The following RAD51B variants were observed in gnomAD, a reference collection of about 807,000 sequenced individuals.
RAD51B encodes RAD51 paralog B.
In RAD51B, 38 loss-of-function variants were observed where a neutral mutation model predicts 42.2. The observed-to-expected ratio is 0.90, with a 90% CI of 0.70 to 1.18. The LOEUF is 1.18. Ranked by LOEUF, RAD51B falls within the 50% of genes most tolerant of loss-of-function variation. The pLI is 0.00. For synonymous variants in RAD51B, 154 were observed against 145.2 expected (o/e 1.06, Z -0.43); for missense variants, 373 against 400.7 (o/e 0.93, Z 0.59).
intron 8 of RAD51B, among the ~76,000 whole-genome samples, chr14:68,303,240 A>G (rs1214904386): frequency 1.3e-5 from 2 of 152,154 alleles, no homozygotes; most frequent in African/African-American, 4.8e-5. Context: ...CAAACACCGC[A>G]TGTTCTCACT....
At chr14:68,457,581 T>A (rs1182104712) in intron 9 of RAD51B, among the ~76,000 whole-genome samples, 1 of 152,162 alleles carries the variant, frequency 6.6e-6, no homozygotes, top group Admixed American at 6.5e-5. Flanking sequence ...GATTGTGGTA[T>A]AATTCAGGAA....
rs1259742224 is a variant in RAD51B, at chr14:68,421,634, G to A, written c.957+10107G>A. Reference sequence around the variant, plus strand: ...TAGGATACTGCGAGCAAACGGGGTGGAGGGGTGCTCTCCTGAGCTACGGAA... The same window carrying A: ...TAGGATACTGCGAGCAAACGGGGTGAAGGGGTGCTCTCCTGAGCTACGGAA... On this transcript the variant is annotated intron_variant, in intron 9 of 10. Coordinates refer to ENST00000471583, the MANE Select transcript of RAD51B (RefSeq NM_133510.4). The A allele has an allele frequency of 3.8e-5, 49 of 1,304,714 alleles. No homozygotes were observed. The East Asian group carries it at 1.1e-3, about 30-fold the overall frequency. 80.8% of individuals were successfully genotyped at this position (1,304,714 alleles called of 1,614,324 possible). A position where few individuals can be genotyped will look rare whatever the true frequency, so the allele number is the denominator to read the frequency against.
intron 11 of RAD51B, among the ~76,000 whole-genome samples, chr14:68,663,619 G>A (rs1892978242): frequency 1.3e-5 from 2 of 152,188 alleles, no homozygotes; most frequent in Admixed American, 1.3e-4. Flanking sequence ...CCATTTGAGT[G>A]TGCCGTCTGT....
intron 7 of RAD51B, among the ~76,000 whole-genome samples, chr14:67,927,383 T>C (rs1013153459): frequency 1.3e-5 from 2 of 152,220 alleles, no homozygotes; most frequent in Admixed American, 1.3e-4. Flanking sequence ...ATACATAATA[T>C]TGTTACTAAG....
intron 7 of RAD51B, among the ~76,000 whole-genome samples, chr14:68,157,954 G>A (rs1446831225): frequency 6.6e-6 from 1 of 152,148 alleles, no homozygotes; most frequent in Non-Finnish European, 1.5e-5. Flanking sequence ...GATCTCTGCT[G>A]TGATAATCCT....
chr14:68,423,857 G>A (rs963893127), intron 9 of RAD51B, among the ~76,000 whole-genome samples: 3 of 152,330 alleles, frequency 2.0e-5, no homozygotes, highest in African/African-American at 7.2e-5. Context: ...GTGGCTCTGT[G>A]TGGCAACAGA....
At position 68,549,409 on chromosome 14, in the gene RAD51B, A is replaced by AT. The variant is rs71129897; in HGVS notation, c.1037-45052dup. 3.7e-3 allele frequency among the ~76,000 whole-genome samples: 232 copies of AT among 63,502 alleles called. 5 individuals carry two copies. Among genetic ancestry groups the AT allele is most frequent in the African/African-American group, 8.0e-3 (166 of 20,772 alleles). 41.7% of individuals were successfully genotyped at this position (63,502 alleles called of 152,430 possible). A position where few individuals can be genotyped will look rare whatever the true frequency, so the allele number is the denominator to read the frequency against. On this transcript the variant is annotated intron_variant, in intron 10 of 10. Coordinates refer to the RAD51B transcript ENST00000487270. Reference sequence around the variant, plus strand: ...AGTGCTTCATCCATGCCCTGGACACATTTTTTTTTTTTTTTTTTTTTTTTG... The same window carrying AT: ...AGTGCTTCATCCATGCCCTGGACACATTTTTTTTTTTTTTTTTTTTTTTTTG...
chr14:68,414,602 G>A (rs1474671813), intron 9 of RAD51B, among the ~76,000 whole-genome samples: 3 of 152,124 alleles, frequency 2.0e-5, no homozygotes, highest in Non-Finnish European at 4.4e-5. Context: ...TTACAAGGCA[G>A]TGTTTGATTT....
chr14:68,201,223 TA>T (rs2079478865), intron 7 of RAD51B, among the ~76,000 whole-genome samples: 1 of 152,206 alleles, frequency 6.6e-6, no homozygotes, highest in Admixed American at 6.5e-5. Context: ...ATTTTATAAA[TA>T]TAAATGATTT....
chr14:68,432,171 C>G (rs1262822053), intron 9 of RAD51B, among the ~76,000 whole-genome samples: 2 of 152,160 alleles, frequency 1.3e-5, no homozygotes, highest in African/African-American at 4.8e-5. Context: ...TTACTTCCAA[C>G]TATGTGGTCA....
At chr14:68,379,325 C>T (rs182175306) in intron 8 of RAD51B, among the ~76,000 whole-genome samples, 4 of 152,220 alleles carry the variant, frequency 2.6e-5, no homozygotes, top group Non-Finnish European at 5.9e-5. Context: ...TTTTTGCCAA[C>T]ATTTTTTCAG....
intron 10 of RAD51B, among the ~76,000 whole-genome samples, chr14:68,526,250 G>A (rs1366029698): frequency 1.3e-5 from 2 of 152,174 alleles, no homozygotes; most frequent in East Asian, 1.9e-4. Flanking sequence ...CAGCTTGTTC[G>A]TGCTTTGCCA....
intron 7 of RAD51B, among the ~76,000 whole-genome samples, chr14:68,140,602 G>C (rs6573816): frequency 0.1 from 15,760 of 152,230 alleles, 2,475 homozygotes; most frequent in African/African-American, 0.34. Context: ...GATAACTGCT[G>C]AGGTTTCTCT....
At chr14:68,411,361 T>G in intron 8 of RAD51B, 63 bp from the exon 9 acceptor site, 1 of 1,384,988 alleles carries the variant, frequency 7.2e-7, no homozygotes, top group South Asian at 1.2e-5. Context: ...ATGTCTGGAC[T>G]TCATGTGAAA....
intron 8 of RAD51B, among the ~76,000 whole-genome samples, chr14:68,356,267 C>T (rs2208396): frequency 0.47 from 71,662 of 151,188 alleles, 18,431 homozygotes; most frequent in Admixed American, 0.62. Flanking sequence ...CCCGTCTCTA[C>T]TAAATAAATA....
chr14:68,414,161 C>T (rs151039267), intron 9 of RAD51B, among the ~76,000 whole-genome samples: 1 of 152,116 alleles, frequency 6.6e-6, no homozygotes, highest in Non-Finnish European at 1.5e-5. Context: ...GGAAGGAGTC[C>T]TCCCTGGCTG....
At chr14:68,213,071 G>C (rs140239551) in intron 7 of RAD51B, among the ~76,000 whole-genome samples, 1 of 152,124 alleles carries the variant, frequency 6.6e-6, no homozygotes, top group South Asian at 2.1e-4. Flanking sequence ...TAGTGATGCT[G>C]TTCTATCCAA....
At chr14:67,854,420 G>T (rs2041918778) in intron 4 of RAD51B, among the ~76,000 whole-genome samples, 1 of 152,024 alleles carries the variant, frequency 6.6e-6, no homozygotes, top group African/African-American at 2.4e-5. Context: ...GATCACTTGA[G>T]GCCAGGAGTT....
At chr14:68,375,775 C>T (rs1048945244) in intron 8 of RAD51B, among the ~76,000 whole-genome samples, 2 of 151,982 alleles carry the variant, frequency 1.3e-5, no homozygotes, top group Admixed American at 1.3e-4. Flanking sequence ...AAAGAAATAT[C>T]CCCCTTATAT....
Sources: allele counts gnomAD v4.1 joint callset (sites outside exome capture counted in the v4.1 genomes callset), GRCh38; gene constraint gnomAD v4.1.1; transcripts MANE v1.5; gene names NCBI Gene and HGNC (gene_info 2026-07-23, HGNC 2026-07-21).